MGRN1: variants seen among roughly 807,000 people sequenced by gnomAD.
MGRN1 encodes the protein mahogunin ring finger 1.
In MGRN1, 29 loss-of-function variants were observed where a neutral mutation model predicts 69.2. That is an observed-to-expected ratio of 0.42 (90% CI 0.31 to 0.57). The LOEUF (loss-of-function observed/expected upper bound fraction) is 0.57. MGRN1 is among the 20% of genes least tolerant of loss of function. The probability of loss-of-function intolerance (pLI) is 0.15; values close to 1 mark genes in which losing one functional copy is unlikely to be tolerated. For missense variants in MGRN1, 998 were observed against 796.2 expected (o/e 1.25, Z -3.05); for synonymous variants, 470 against 344.2 (o/e 1.37, Z -4.04).
intron 1 of MGRN1, among the ~76,000 whole-genome samples, chr16:4,639,106 C>T (rs2078101451): frequency 1.3e-5 from 2 of 152,204 alleles, no homozygotes; most frequent in East Asian, 1.9e-4. Flanking sequence ...ACAACAGCAT[C>T]TGCTTTCATT....
At position 4,677,508 on chromosome 16, in the gene MGRN1, G is replaced by T; in HGVS notation, c.1001G>T (p.Gly334Val). 6.3e-7 allele frequency: 1 copy of T among 1,594,834 alleles called. No individual in the cohort carries two copies. The highest frequency in any genetic ancestry group is 8.5e-7 in the Non-Finnish European group (1 of 1,176,512). Residue 334 changes from glycine to valine, a missense_variant, in exon 11 of 17, where the codon GGA (glycine) becomes GTA (valine). Coordinates refer to ENST00000262370, the MANE Select transcript of MGRN1 (RefSeq NM_015246.4). Reference sequence around the variant, plus strand: ...ATCCGGGCGGTGCGGAAGAAGCCAGGAGCCCTGTCCCCCGTGTCCTTCAGC... The same window carrying T: ...ATCCGGGCGGTGCGGAAGAAGCCAGTAGCCCTGTCCCCCGTGTCCTTCAGC... Reference protein sequence around the residue: ...LQIRAVRKKPGALSPVSFSPV... With the variant: ...LQIRAVRKKPVALSPVSFSPV...
chr16:4,642,500 G>GTGTGTGTGTGTT (rs925961228), intron 1 of MGRN1, among the ~76,000 whole-genome samples: 1 of 150,188 alleles, frequency 6.7e-6, no homozygotes, highest in African/African-American at 2.4e-5. Context: ...GTGTGTGTGT[G>GTGTGTGTGTGTT]TTTTTAGTAG....
At chr16:4,673,126 C>T (rs1248465330) in intron 9 of MGRN1, among the ~76,000 whole-genome samples, 1 of 152,244 alleles carries the variant, frequency 6.6e-6, no homozygotes, top group East Asian at 1.9e-4. Context: ...GCGTGAGCCA[C>T]CGCGCCTGAC....
chr16:4,670,006 T>C (rs996461880), intron 8 of MGRN1, among the ~76,000 whole-genome samples: 2 of 152,146 alleles, frequency 1.3e-5, no homozygotes, highest in Admixed American at 1.3e-4. Flanking sequence ...AAGCCACCAC[T>C]TGGGAATGAT....
chr16:4,667,964 C>T (rs544923769), intron 7 of MGRN1, among the ~76,000 whole-genome samples: 35 of 152,190 alleles, frequency 2.3e-4, no homozygotes, highest in African/African-American at 7.5e-4. Context: ...GATTGGCATT[C>T]AGCTTGAGTG....
intron 5 of MGRN1, among the ~76,000 whole-genome samples, chr16:4,661,625 C>T (rs1239512745): frequency 6.6e-6 from 1 of 152,274 alleles, no homozygotes; most frequent in Non-Finnish European, 1.5e-5. Context: ...AGTGCCCTGC[C>T]AGCTCCTGGC....
At chr16:4,639,828 C>G (rs1439595498) in intron 1 of MGRN1, 3 of 152,236 alleles carry the variant, frequency 2.0e-5, no homozygotes, top group African/African-American at 7.2e-5. Flanking sequence ...AAACATGGGT[C>G]AGACTTCTCC....
intron 16 of MGRN1, 27 bp downstream of exon 16, chr16:4,683,959 G>A (rs1184773125): frequency 6.8e-7 from 1 of 1,474,696 alleles, no homozygotes; most frequent in East Asian, 2.5e-5. Flanking sequence ...CTGGGGGTGA[G>A]GGGCTGGGTG....
At position 4,652,786 on chromosome 16, in the gene MGRN1, C is replaced by T. The variant is rs771370122; in HGVS notation, c.405C>T (p.Tyr135=). The T allele has an allele frequency of 4.0e-5, 65 of 1,611,332 alleles. No homozygotes were observed. The South Asian group carries it at 5.7e-4, about 14-fold the overall frequency. The change falls in exon 4 of 17, where the codon TAC becomes TAT. Residue 135 remains tyrosine, a synonymous_variant. Coordinates refer to ENST00000262370, the MANE Select transcript of MGRN1 (RefSeq NM_015246.4). ...ATGCCCGCGTGGCCATCACCATCTA[C>T]TGCCAGGCATCGGAGGAGTTCCTGA... The part of the protein sequence containing the change: ...DADARVAITI[Y]CQASEEFLNG...
chr16:4,689,005 G>GT lies in MGRN1; in HGVS notation c.*97_*98insT. 1 of 1,419,672 alleles carries GT rather than the reference G, an allele frequency of 7.0e-7. No individual in the cohort carries two copies. The highest frequency in any genetic ancestry group is 2.5e-5 in the East Asian group (1 of 39,476). 87.9% of individuals were successfully genotyped at this position (1,419,672 alleles called of 1,614,324 possible). A position where few individuals can be genotyped will look rare whatever the true frequency, so the allele number is the denominator to read the frequency against. ...TTGTGAGCCGGCCTCCTGTCTGCAT[G>GT]CCCCCTGTGGCCACCAGGCTCCGAG... On this transcript the variant is annotated 3_prime_UTR_variant, in exon 17 of 17. Coordinates refer to ENST00000262370, the MANE Select transcript of MGRN1 (RefSeq NM_015246.4).
At chr16:4,686,118 T>G (rs1167575328) in intron 16 of MGRN1, 2 of 1,005,542 alleles carry the variant, frequency 2.0e-6, no homozygotes, top group Non-Finnish European at 2.9e-6. Context: ...GTTCTCCTTG[T>G]GGTTCTCTGT....
At chr16:4,688,634 C>T (rs1596324741) in intron 16 of MGRN1, 162 bp from the exon 17 acceptor site, 12 of 1,413,552 alleles carry the variant, frequency 8.5e-6, no homozygotes, top group African/African-American at 1.4e-5. Context: ...AGTCCCCGGG[C>T]CCTTGGTGTG....
intron 6 of MGRN1, 141 bp from the exon 7 acceptor site, chr16:4,664,960 AG>A: frequency 3.5e-6 from 4 of 1,156,036 alleles, no homozygotes; most frequent in Non-Finnish European, 5.1e-6. Flanking sequence ...GCAGGAGGGC[AG>A]GTCCCAGAAC....
At position 4,624,864 on chromosome 16, in the gene MGRN1, C is replaced by T. The variant is rs1448915151; in HGVS notation, c.-97C>T. On this transcript the variant is annotated 5_prime_UTR_variant, in exon 1 of 17. Transcript: ENST00000262370. ...GCCTCCGCGGCCGTGGACGAGCGTC[C>T]GTGCGGCCTGGTCCGGGCCATGTCC... The T allele has an allele frequency of 3.9e-6, 4 of 1,026,756 alleles. No homozygotes were observed. The highest frequency in any genetic ancestry group is 4.7e-5 in the South Asian group (2 of 42,116). 63.6% of individuals were successfully genotyped at this position (1,026,756 alleles called of 1,614,324 possible).
At position 4,689,249 on chromosome 16, in the gene MGRN1, C is replaced by T. The variant is rs551771120; in HGVS notation, c.*341C>T. On this transcript the variant is annotated 3_prime_UTR_variant, in exon 17 of 17. Transcript: ENST00000262370. ...GGCTCTGCCTGCTCCTGCAACAGTG[C>T]GGTCCCTGCCCGGAGAACTCAGGAG... The T allele has an allele frequency of 1.6e-4, 40 of 253,084 alleles. No homozygotes were observed. The highest frequency in any genetic ancestry group is 6.7e-4 in the East Asian group (9 of 13,348). The allele number at this position is 253,084 out of a possible 1,614,324, so 15.7% of individuals were successfully genotyped here. A position where few individuals can be genotyped will look rare whatever the true frequency, so the allele number is the denominator to read the frequency against.
chr16:4,672,434 T>C (rs542696189), intron 9 of MGRN1: 67 of 456,754 alleles, frequency 1.5e-4, no homozygotes, highest in South Asian at 1.0e-3. Flanking sequence ...CGCTTCATTA[T>C]GGCATCTGGG....
At chr16:4,670,603 C>T (rs1457309289) in intron 8 of MGRN1, among the ~76,000 whole-genome samples, 4 of 152,154 alleles carry the variant, frequency 2.6e-5, no homozygotes, top group African/African-American at 9.7e-5. Flanking sequence ...GCCTATGATC[C>T]CAGCACTATG....
intron 12 of MGRN1, 102 bp from the exon 13 acceptor site, chr16:4,681,448 C>G: frequency 8.8e-7 from 1 of 1,141,286 alleles, no homozygotes. Context: ...GGGGGAGTCT[C>G]AATCCCCCAA....
At chr16:4,664,512 T>A (rs1206699762) in intron 5 of MGRN1, 197 bp from the exon 6 acceptor site, 3 of 605,794 alleles carry the variant, frequency 5.0e-6, no homozygotes, top group Non-Finnish European at 8.9e-6. Context: ...AGATTTTGTG[T>A]TGTATCTGTT....
Sources: allele counts gnomAD v4.1 joint callset (sites outside exome capture counted in the v4.1 genomes callset), GRCh38; gene constraint gnomAD v4.1.1; transcripts MANE v1.5; gene names NCBI Gene and HGNC (gene_info 2026-07-23, HGNC 2026-07-21).